The following TTC21A variants were observed in gnomAD, a reference collection of about 807,000 sequenced individuals.
TTC21A encodes tetratricopeptide repeat protein 21A.
TTC21A carries 128 observed loss-of-function variants against 156.4 expected under a neutral mutation model. The ratio of observed to expected loss-of-function variants is 0.82; its 90% CI spans 0.71 to 0.95. TTC21A has a LOEUF of 0.95. Ranked by LOEUF, TTC21A falls within the 40% of genes least tolerant of loss-of-function variation. TTC21A has a pLI of 0.00. For synonymous variants in TTC21A, 587 were observed against 617.1 expected, an observed-to-expected ratio of 0.95 and a Z score of 0.72; for missense variants, 1,435 against 1,602.3, an observed-to-expected ratio of 0.90 and a Z score of 1.78.
chr3:39,123,785 G>A (rs1478142322), intron 9 of TTC21A, among the ~76,000 whole-genome samples: 1 of 151,704 alleles, frequency 6.6e-6, no homozygotes. Context: ...AAGGATAAAT[G>A]GCAAACTAAT....
At chr3:39,126,504 A>ACACACACC in intron 12 of TTC21A, 114 bp downstream of exon 12, 1 of 997,202 alleles carries the variant, frequency 1.0e-6, no homozygotes, top group Non-Finnish European at 1.5e-6. Context: ...ACACACACAC[A>ACACACACC]CACACACACA....
chr3:39,123,917 A>G (rs2037986966), intron 9 of TTC21A, among the ~76,000 whole-genome samples: 1 of 152,252 alleles, frequency 6.6e-6, no homozygotes. Context: ...TATATTGGAA[A>G]TATGAACAGG....
chr3:39,130,241 C>A lies in TTC21A; in HGVS notation c.2209-7C>A. The A allele has an allele frequency of 6.2e-7, 1 of 1,612,824 alleles. No homozygotes were observed. ...AGAGGAAGACCCAAAGACACTTTCC[C>A]CACCAGCCCGAGAAGGCCCTGGAGG... On this transcript the variant is annotated splice_polypyrimidine_tract_variant and splice_region_variant and intron_variant, in intron 16 of 28. Coordinates refer to ENST00000683103, the MANE Select transcript of TTC21A (RefSeq NM_001366900.1). This position sits in a 1 kb window ranked among gnomAD's most constrained non-coding sequence, Gnocchi z 4.5.
At chr3:39,118,016 C>A in intron 6 of TTC21A, 53 bp from the exon 7 acceptor site, 1 of 1,340,042 alleles carries the variant, frequency 7.5e-7, no homozygotes, top group Non-Finnish European at 1.1e-6. Context: ...ACACACCATC[C>A]CAGCTTTGCC....
At position 39,137,374 on chromosome 3, in the gene TTC21A, T is replaced by C; in HGVS notation, c.3437T>C (p.Ile1146Thr). 6.2e-7 allele frequency: 1 copy of C among 1,613,080 alleles called. No homozygotes were observed. Among genetic ancestry groups the C allele is most frequent in the Non-Finnish European group, 8.5e-7 (1 of 1,179,400 alleles). The change falls in exon 25 of 29, where the codon ATA (isoleucine) becomes ACA (threonine). Residue 1146 changes from isoleucine to threonine, a missense_variant. By Grantham distance (89) the Ile-to-Thr change is moderately conservative. Coordinates refer to ENST00000683103, the MANE Select transcript of TTC21A (RefSeq NM_001366900.1). ...GCTGCGCTGGGCAGCTTCATCCAGA[T>C]AGCGCAGGCTGAGGTGTGGCTGGTG... is the stretch of plus-strand genomic sequence containing the variant. Reference protein sequence around the residue: ...MEAALGSFIQIAQAEKDSVPA... With the variant: ...MEAALGSFIQTAQAEKDSVPA...
At chr3:39,113,233 A>G (rs2125758827) in intron 5 of TTC21A, among the ~76,000 whole-genome samples, 1 of 152,304 alleles carries the variant, frequency 6.6e-6, no homozygotes, top group East Asian at 1.9e-4. Context: ...TTTTAGGGCA[A>G]TGTCTTCTAG....
intron 26 of TTC21A, 63 bp downstream of exon 26, chr3:39,137,773 A>G (rs2039247047): frequency 1.3e-6 from 2 of 1,518,510 alleles, no homozygotes; most frequent in Admixed American, 1.9e-5. Flanking sequence ...CATTCCAGGA[A>G]GGTGAAGCAG....
rs1350031310 is a variant in TTC21A at position 39,128,759 on chromosome 3, C to T, written c.1723C>T (p.Leu575Phe). 1.9e-6 allele frequency: 3 copies of T among 1,614,048 alleles called. No homozygotes were observed. Among genetic ancestry groups the T allele is most frequent in the African/African-American group, 1.3e-5 (1 of 74,926 alleles). The part of the protein sequence containing the change: ...PLYHLIKARA[L>F]NKAGDYPEAI... ...CTACCACCTCATCAAGGCCAGGGCC[C>T]TCAACAAGGCTGGAGACTATCCAGA... Residue 575 changes from leucine (L) to phenylalanine (F), a missense_variant, in exon 14 of 29, where the codon CTC becomes TTC. Coordinates refer to ENST00000683103, the MANE Select transcript of TTC21A (RefSeq NM_001366900.1).
At position 39,134,022 on chromosome 3, in the gene TTC21A, T is replaced by C. The variant is rs1441628541; in HGVS notation, c.2752-196T>C. 6.6e-6 allele frequency among the ~76,000 whole-genome samples: 1 copy of C among 152,022 alleles called. No individual in the cohort carries two copies. The highest frequency in any genetic ancestry group is 1.5e-5 in the Non-Finnish European group (1 of 68,006). ...GTTAGCTTGGCCCAACTTTCAGAGG[T>C]TAGTAAGACACAGGGTATGACTGGA... On this transcript the variant is annotated intron_variant, in intron 20 of 28. Coordinates refer to ENST00000683103, the MANE Select transcript of TTC21A (RefSeq NM_001366900.1). This position sits in a 1 kb window ranked among gnomAD's most constrained non-coding sequence, Gnocchi z 4.6.
In TTC21A at chr3:39,126,290, AC is replaced by A; in HGVS notation, c.1423del (p.Leu475PhefsTer7). ...PRLPGQIVSP[L>X]LKQVAVILNP... ...GGTTACCAGGCCAGATCGTGTCTCC[AC>A]TTCTTAAACAAGTCGCCGTGATCTT... On this transcript the variant is annotated frameshift_variant, in exon 12 of 29. Transcript: ENST00000683103. LOFTEE classifies it high-confidence loss of function. 1 of 1,614,048 alleles carries A rather than the reference AC, an allele frequency of 6.2e-7. No homozygotes were observed. Among genetic ancestry groups the A allele is most frequent in the South Asian group, 1.1e-5 (1 of 91,078 alleles).
intron 7 of TTC21A, chr3:39,119,647 A>T: frequency 3.8e-6 from 1 of 262,914 alleles, no homozygotes. Context: ...AAAAAAAGAA[A>T]AAAAAGAAAA....
At chr3:39,127,723 C>T (rs2038385658) in intron 12 of TTC21A, among the ~76,000 whole-genome samples, 1 of 152,176 alleles carries the variant, frequency 6.6e-6, no homozygotes, top group Admixed American at 6.5e-5. Flanking sequence ...TGCAGGGAGG[C>T]CCCGCAGCCC....
rs571312609 is a variant in TTC21A, at chr3:39,129,748, G to A, written c.2136-331G>A. ...GAGTAGGGAAGGCTATCCAGCAGTGGGAAACCAGTGAACAGTATGGAGGCA... is the reference window on the plus strand; with the variant it reads ...GAGTAGGGAAGGCTATCCAGCAGTGAGAAACCAGTGAACAGTATGGAGGCA... On this transcript the variant is annotated intron_variant, in intron 15 of 28. Coordinates refer to ENST00000683103, the MANE Select transcript of TTC21A (RefSeq NM_001366900.1). Among the ~76,000 whole-genome samples, 6 of 152,300 alleles carry A rather than the reference G, an allele frequency of 3.9e-5. No homozygotes were observed. The South Asian group carries it at 6.2e-4, about 16-fold the overall frequency.
rs1175679435 is a variant in TTC21A at position 39,138,871 on chromosome 3, G to T, written c.*83G>T. On this transcript the variant is annotated 3_prime_UTR_variant, in exon 29 of 29. Transcript: ENST00000683103. ...GGATGGAAAGTGGGTCAGTGGAGAA[G>T]GGATTCAGAAAATGACACATTCTTC... The T allele has an allele frequency of 1.7e-6, 2 of 1,152,688 alleles. No homozygotes were observed. Among genetic ancestry groups the T allele is most frequent in the Non-Finnish European group, 2.5e-6 (2 of 792,146 alleles). 71.4% of individuals were successfully genotyped at this position (1,152,688 alleles called of 1,614,324 possible).
intron 26 of TTC21A, 130 bp from the exon 27 acceptor site, chr3:39,138,137 T>G (rs1295835502): frequency 2.1e-6 from 3 of 1,413,716 alleles, no homozygotes; most frequent in Non-Finnish European, 2.9e-6. Flanking sequence ...TGGGGTCCCT[T>G]GGCAGTTTGG....
At chr3:39,131,436 T>G (rs957240030) in intron 19 of TTC21A, 9 of 210,366 alleles carry the variant, frequency 4.3e-5, no homozygotes, top group Middle Eastern at 1.7e-3. Flanking sequence ...GCTTTCTTAT[T>G]GAATGATCAC....
chr3:39,107,947 G>A lies in TTC21A; in HGVS notation c.27+83G>A, dbSNP rs1024858989. On this transcript the variant is annotated intron_variant, in intron 1 of 28. Coordinates refer to ENST00000683103, the MANE Select transcript of TTC21A (RefSeq NM_001366900.1). ...AGACCGTCTGCCCTGCTACTCTCCTGCCACCCTTCGCTGTCCTCAGTTATA... is the reference window on the plus strand; with the variant it reads ...AGACCGTCTGCCCTGCTACTCTCCTACCACCCTTCGCTGTCCTCAGTTATA... 55 of 1,529,882 alleles carry A rather than the reference G, an allele frequency of 3.6e-5. No homozygotes were observed. The African/African-American group carries it at 5.5e-4, about 15-fold the overall frequency. 94.8% of individuals were successfully genotyped at this position (1,529,882 alleles called of 1,614,324 possible).
chr3:39,114,533 T>G, intron 5 of TTC21A, 52 bp from the exon 6 acceptor site: 2 of 1,590,226 alleles, frequency 1.3e-6, no homozygotes, highest in Non-Finnish European at 1.7e-6. Context: ...TCCAGCAAAC[T>G]CCCTTCATGG....
intron 1 of TTC21A, chr3:39,108,136 T>A: frequency 1.7e-6 from 1 of 571,718 alleles, no homozygotes; most frequent in East Asian, 2.9e-5. Flanking sequence ...CATCCCTTCT[T>A]CCACCCAGCT....
Sources: gnomAD v4.1 joint callset for allele counts (sites outside exome capture counted in the v4.1 genomes callset) on GRCh38, gnomAD v4.1.1 for gene constraint, Gnocchi (gnomAD v3.1) non-coding constraint, MANE v1.5 for transcripts, NCBI Gene and HGNC (gene_info 2026-07-23, HGNC 2026-07-21) for gene names.